Variants in XRCC4 observed in about 807,000 individuals in gnomAD.
The protein encoded by XRCC4 is X-ray repair cross complementing 4.
A neutral mutation model predicts 39.1 loss-of-function variants in XRCC4; 28 were observed. That is an observed-to-expected ratio of 0.72 (90% CI 0.53 to 0.98). XRCC4 has a LOEUF of 0.98. Ranked by LOEUF, XRCC4 falls within the 50% of genes least tolerant of loss-of-function variation. The pLI is 0.00. For missense variants in XRCC4, 350 were observed against 376.4 expected, an observed-to-expected ratio of 0.93 and a Z score of 0.58; for synonymous variants, 123 against 126.4, an observed-to-expected ratio of 0.97 and a Z score of 0.18.
At chr5:83,324,777 A>C (rs185367343) in intron 7 of XRCC4, among the ~76,000 whole-genome samples, 30 of 152,276 alleles carry the variant, frequency 2.0e-4, no homozygotes, top group Non-Finnish European at 2.9e-4. Flanking sequence ...AGTATTTGAC[A>C]TTAGGTAGTA....
chr5:83,192,292 G>GTATACATATATACGTATA (rs1750738998), intron 3 of XRCC4, among the ~76,000 whole-genome samples: 1 of 135,204 alleles, frequency 7.4e-6, no homozygotes. Flanking sequence ...ATATACGTAT[G>GTATACATATATACGTATA]TATACGTATA....
chr5:83,129,584 A>C (rs941549077), intron 3 of XRCC4, among the ~76,000 whole-genome samples: 2 of 151,984 alleles, frequency 1.3e-5, no homozygotes, highest in African/African-American at 4.8e-5. Flanking sequence ...CCATTTTCAC[A>C]ATATTGATTC....
In XRCC4 at chr5:83,340,056, A is replaced by G. The variant is rs188156470; in HGVS notation, c.894-13075A>G. On this transcript the variant is annotated intron_variant, in intron 7 of 7. Transcript: ENST00000396027. Reference sequence around the variant, plus strand: ...CAATGATTCTAGTTCAGTTATCTCTAGATAAGACCCAATGTCTGTTTCTTT... The same window carrying G: ...CAATGATTCTAGTTCAGTTATCTCTGGATAAGACCCAATGTCTGTTTCTTT... 3.3e-5 allele frequency among the ~76,000 whole-genome samples: 5 copies of G among 152,266 alleles called. No individual in the cohort carries two copies. In the East Asian group the frequency reaches 9.7e-4, roughly 29 times the overall value.
At chr5:83,084,103 A>G (rs933473241) in intron 1 of XRCC4, among the ~76,000 whole-genome samples, 1 of 152,234 alleles carries the variant, frequency 6.6e-6, no homozygotes, top group African/African-American at 2.4e-5. Context: ...GTTTTAATGC[A>G]TTAATGGCAT....
At chr5:83,307,135 A>C (rs1464100339) in intron 7 of XRCC4, among the ~76,000 whole-genome samples, 2 of 152,242 alleles carry the variant, frequency 1.3e-5, no homozygotes, top group African/African-American at 2.4e-5. Flanking sequence ...AATCCAGTGC[A>C]CACTTTCTTG....
Position 83,204,862 on chromosome 5 carries a change from A to G in XRCC4, c.686A>G (p.Tyr229Cys), listed in dbSNP as rs772174548. 12 of 1,612,448 alleles carry G rather than the reference A, an allele frequency of 7.4e-6. No individual in the cohort carries two copies. The highest frequency in any genetic ancestry group is 1.3e-5 in the African/African-American group (1 of 74,878). Residue 229 changes from tyrosine to cysteine, a missense_variant, in exon 6 of 8, where the codon TAT becomes TGT. Tyr to Cys is a radical substitution (Grantham distance 194). Transcript: ENST00000396027. The stretch of plus-strand genomic sequence containing the variant: ...ATGACTGCTGACCGAGATCCAGTCT[A>G]TGATGAGAGTACTGATGAGGAAAGT... ...SEMTADRDPV[Y>C]DESTDEESEN...
intron 7 of XRCC4, among the ~76,000 whole-genome samples, chr5:83,267,560 C>T (rs1321598698): frequency 6.6e-6 from 1 of 152,144 alleles, no homozygotes; most frequent in Non-Finnish European, 1.5e-5. Flanking sequence ...CTCTTTCTTC[C>T]TTCTCAGCCA....
At chr5:83,113,582 C>T (rs1746551027) in intron 3 of XRCC4, among the ~76,000 whole-genome samples, 1 of 152,168 alleles carries the variant, frequency 6.6e-6, no homozygotes, top group South Asian at 2.1e-4. Context: ...AGGGCCCTGC[C>T]CCTGCAGCAA....
chr5:83,109,887 A>C (rs1479955623), intron 2 of XRCC4, among the ~76,000 whole-genome samples: 1 of 151,972 alleles, frequency 6.6e-6, no homozygotes, highest in Non-Finnish European at 1.5e-5. Flanking sequence ...ATCTTTTAAA[A>C]AAACTACTAC....
intron 6 of XRCC4, among the ~76,000 whole-genome samples, chr5:83,229,164 A>G (rs1752399662): frequency 6.6e-6 from 1 of 152,032 alleles, no homozygotes; most frequent in African/African-American, 2.4e-5. Flanking sequence ...ACTACTTATT[A>G]CTGGAGGTAG....
chr5:83,215,111 A>G (rs1256673486), intron 6 of XRCC4, among the ~76,000 whole-genome samples: 5 of 152,014 alleles, frequency 3.3e-5, no homozygotes, highest in Non-Finnish European at 7.4e-5. Context: ...TGATGCGGGC[A>G]GATCATTTGA....
At chr5:83,169,404 T>C (rs1749625922) in intron 3 of XRCC4, among the ~76,000 whole-genome samples, 2 of 152,216 alleles carry the variant, frequency 1.3e-5, no homozygotes, top group Non-Finnish European at 2.9e-5. Context: ...GATTTTCTTT[T>C]AGTATTTGAT....
chr5:83,325,517 G>A (rs996875064), intron 7 of XRCC4, among the ~76,000 whole-genome samples: 9 of 151,892 alleles, frequency 5.9e-5, no homozygotes, highest in East Asian at 1.9e-4. Flanking sequence ...GTGTCCATGC[G>A]TTCTCATCAT....
intron 1 of XRCC4, among the ~76,000 whole-genome samples, chr5:83,095,811 C>T (rs548159514): frequency 1.3e-5 from 2 of 152,140 alleles, no homozygotes; most frequent in East Asian, 3.9e-4. Context: ...TCACAGTCTG[C>T]TGTGGGACAG....
intron 1 of XRCC4, among the ~76,000 whole-genome samples, chr5:83,096,571 A>C (rs1745689827): frequency 6.6e-6 from 1 of 152,164 alleles, no homozygotes; most frequent in African/African-American, 2.4e-5. Flanking sequence ...GGCCTTCCTA[A>C]GTCTTGGGCT....
intron 3 of XRCC4, among the ~76,000 whole-genome samples, chr5:83,157,840 G>T (rs1749033120): frequency 6.6e-6 from 1 of 152,054 alleles, no homozygotes; most frequent in Admixed American, 6.6e-5. Flanking sequence ...AGAGGAAAAT[G>T]ATAGAGAAGT....
At position 83,230,915 on chromosome 5, in the gene XRCC4, T is replaced by A. The variant is rs112120171; in HGVS notation, c.745+25994T>A. On this transcript the variant is annotated intron_variant, in intron 6 of 7. Transcript: ENST00000396027. Reference sequence around the variant, plus strand: ...AGGAAAAATTACCCTCTTATAAGAATTCATTTTTTTTTTGCATAGGGTTGC... The same window carrying A: ...AGGAAAAATTACCCTCTTATAAGAAATCATTTTTTTTTTGCATAGGGTTGC... 5.9e-3 allele frequency among the ~76,000 whole-genome samples: 903 copies of A among 152,102 alleles called. 12 individuals carry two copies. The highest frequency in any genetic ancestry group is 0.021 in the African/African-American group (867 of 41,540).
chr5:83,331,932 A>G (rs1756448648), intron 7 of XRCC4, among the ~76,000 whole-genome samples: 2 of 152,136 alleles, frequency 1.3e-5, no homozygotes, highest in Non-Finnish European at 2.9e-5. Flanking sequence ...CTACTTCAGG[A>G]TGGATAGTAC....
At chr5:83,207,997 A>G (rs748245348) in intron 6 of XRCC4, among the ~76,000 whole-genome samples, 29 of 152,074 alleles carry the variant, frequency 1.9e-4, no homozygotes, top group Admixed American at 1.3e-4. Flanking sequence ...GGGGATTAAT[A>G]CATTTATTCA....
Sources: allele counts gnomAD v4.1 joint callset (sites outside exome capture counted in the v4.1 genomes callset), GRCh38; gene constraint gnomAD v4.1.1; transcripts MANE v1.5; gene names NCBI Gene and HGNC (gene_info 2026-07-23, HGNC 2026-07-21).